The following SBNO1 variants were observed in gnomAD, a reference collection of about 807,000 sequenced individuals.
SBNO1 encodes the protein strawberry notch homolog 1, also known as protein strawberry notch homolog 1.
SBNO1 carries 23 observed loss-of-function variants against 173.6 expected under a neutral mutation model. The ratio of observed to expected loss-of-function variants is 0.13; its 90% CI spans 0.10 to 0.19. SBNO1 has a LOEUF of 0.19. Among genes scored for constraint, SBNO1 ranks in the 10% least tolerant of loss-of-function variants. The pLI is 1.00. For synonymous variants in SBNO1, 632 were observed against 571.5 expected (o/e 1.11, Z -1.51); for missense variants, 1,238 against 1,671.2 (o/e 0.74, Z 4.52).
At chr12:123,316,883 A>G (rs964117147) in intron 21 of SBNO1, among the ~76,000 whole-genome samples, 2 of 151,692 alleles carry the variant, frequency 1.3e-5, no homozygotes, top group Admixed American at 6.6e-5. Context: ...TTGTATTTTT[A>G]GTAGAGGCTG....
chr12:123,334,220 A>T lies in SBNO1; in HGVS notation c.749-7T>A. The T allele has an allele frequency of 6.6e-7, 1 of 1,505,992 alleles. No homozygotes were observed. Among genetic ancestry groups the T allele is most frequent in the Non-Finnish European group, 9.0e-7 (1 of 1,115,156 alleles). 93.3% of individuals were successfully genotyped at this position (1,505,992 alleles called of 1,614,324 possible). ...TGACGTAGGCCAATTTTTACTAAAC[A>T]AAAATGTAAAAACATTTTATTTTAA... On this transcript the variant is annotated splice_polypyrimidine_tract_variant and splice_region_variant and intron_variant, in intron 6 of 31. Transcript: ENST00000602398.
At position 123,317,160 on chromosome 12, in the gene SBNO1, C is replaced by T. The variant is rs754427738; in HGVS notation, c.2935+61G>A. 5.0e-6 allele frequency: 8 copies of T among 1,589,218 alleles called. No homozygotes were observed. In the Admixed American group the frequency reaches 5.1e-5, roughly 10 times the overall value. ...GCCTAAACCTAGGTTTTGGTATGCG[C>T]AAATTTACCCCAATGATTCCTAGCT... On this transcript the variant is annotated intron_variant, in intron 21 of 31. Coordinates refer to ENST00000602398, the MANE Select transcript of SBNO1 (RefSeq NM_001167856.3).
intron 17 of SBNO1, among the ~76,000 whole-genome samples, 188 bp from the exon 18 acceptor site, chr12:123,321,054 C>G (rs1566034252): frequency 2.0e-5 from 3 of 152,192 alleles, no homozygotes; most frequent in African/African-American, 4.8e-5. Flanking sequence ...ATTCTCCTGC[C>G]TCAGCCTCCT....
intron 30 of SBNO1, among the ~76,000 whole-genome samples, chr12:123,300,365 GA>G (rs746528495): frequency 6.6e-6 from 1 of 152,212 alleles, no homozygotes; most frequent in Non-Finnish European, 1.5e-5. Flanking sequence ...AAATGTTTTA[GA>G]AAATGTTTAG....
rs2048573379 is a variant in SBNO1, at chr12:123,295,026, T to TAC, written c.*880_*881dup. 1 of 152,250 alleles carries TAC rather than the reference T, an allele frequency of 6.6e-6. No homozygotes were observed. Among genetic ancestry groups the TAC allele is most frequent in the Admixed American group, 6.5e-5 (1 of 15,274 alleles). The allele number at this position is 152,250 out of a possible 1,614,324, so 9.4% of individuals were successfully genotyped here. ...TGTTTGCAAGATGAAAGCCAATTTGTACTTCCTTCTAAAACTACCTTTAAG... is the reference window on the plus strand; with the variant it reads ...TGTTTGCAAGATGAAAGCCAATTTGTACACTTCCTTCTAAAACTACCTTTAAG... On this transcript the variant is annotated 3_prime_UTR_variant, in exon 32 of 32. Coordinates refer to ENST00000602398, the MANE Select transcript of SBNO1 (RefSeq NM_001167856.3).
rs945808793 is a variant in SBNO1, at chr12:123,328,913, A to T, written c.1135-18T>A. 2 of 1,427,970 alleles carry T rather than the reference A, an allele frequency of 1.4e-6. No individual in the cohort carries two copies. Among genetic ancestry groups the T allele is most frequent in the Non-Finnish European group, 1.9e-6 (2 of 1,035,686 alleles). 88.5% of individuals were successfully genotyped at this position (1,427,970 alleles called of 1,614,324 possible). ...TATTTAAACTAAAAAAGAAAAGAAAAGAATTTAGTTAATTAGTATACCTTT... is the reference window on the plus strand; with the variant it reads ...TATTTAAACTAAAAAAGAAAAGAAATGAATTTAGTTAATTAGTATACCTTT... On this transcript the variant is annotated intron_variant, in intron 9 of 31. Transcript: ENST00000602398.
intron 3 of SBNO1, among the ~76,000 whole-genome samples, chr12:123,346,478 C>G (rs911939368): frequency 6.6e-6 from 1 of 151,698 alleles, no homozygotes; most frequent in Admixed American, 6.6e-5. Context: ...TCCTGGCTAA[C>G]ACGGTGAAAC....
At chr12:123,322,593 G>A (rs993695730) in intron 16 of SBNO1, among the ~76,000 whole-genome samples, 1 of 151,350 alleles carries the variant, frequency 6.6e-6, no homozygotes, top group South Asian at 2.1e-4. Flanking sequence ...CACTGTGCCC[G>A]GCGAGAAGTC....
intron 24 of SBNO1, 82 bp downstream of exon 24, chr12:123,313,536 AAT>A (rs1388218775): frequency 7.1e-6 from 5 of 702,060 alleles, no homozygotes; most frequent in Non-Finnish European, 1.2e-5. Flanking sequence ...GAAAAAAACT[AAT>A]ATAACAGCAA....
At chr12:123,328,569 G>T (rs1224703087) in intron 10 of SBNO1, among the ~76,000 whole-genome samples, 165 bp downstream of exon 10, 1 of 152,074 alleles carries the variant, frequency 6.6e-6, no homozygotes, top group Non-Finnish European at 1.5e-5. Flanking sequence ...CTATCTGACA[G>T]GTAAAAAACC....
chr12:123,316,520 A>C (rs1869291537), intron 21 of SBNO1, among the ~76,000 whole-genome samples: 1 of 151,588 alleles, frequency 6.6e-6, no homozygotes, highest in East Asian at 2.0e-4. Flanking sequence ...CGCTGCGCCC[A>C]GCCTGTTTTT....
chr12:123,350,106 T>C (rs1873704678), intron 2 of SBNO1, among the ~76,000 whole-genome samples: 1 of 151,560 alleles, frequency 6.6e-6, no homozygotes, highest in Admixed American at 6.6e-5. Context: ...GACAAAAAAT[T>C]AGCGGGATGT....
At position 123,320,590 on chromosome 12, in the gene SBNO1, T is replaced by C. The variant is rs770756963; in HGVS notation, c.2509A>G (p.Ser837Gly). ...TGACTTGTTATAAGGCTACTGTTAC[T>C]GTTGGTGTTACTGTTAGCTAGATAA... ...NSTPANSNTNSNSSLITSQDA... is the reference protein window; with the variant it reads ...NSTPANSNTNGNSSLITSQDA... Residue 837 changes from serine to glycine, a missense_variant, in exon 19 of 32, where the codon AGT (serine) becomes GGT (glycine). Physicochemically the swap from Ser to Gly is moderately conservative, Grantham distance 56. Transcript: ENST00000602398. 1.2e-6 allele frequency: 2 copies of C among 1,613,218 alleles called. No homozygotes were observed. The highest frequency in any genetic ancestry group is 1.7e-6 in the Non-Finnish European group (2 of 1,179,668).
chr12:123,302,335 C>T (rs1028865094), intron 30 of SBNO1, among the ~76,000 whole-genome samples: 2 of 151,654 alleles, frequency 1.3e-5, no homozygotes, highest in African/African-American at 2.4e-5. Flanking sequence ...TTCCACCTTC[C>T]GGGTTCAAGC....
In SBNO1 at chr12:123,327,881, T is replaced by C; in HGVS notation, c.1432+11A>G. 6.3e-7 allele frequency: 1 copy of C among 1,599,034 alleles called. No individual in the cohort carries two copies. The highest frequency in any genetic ancestry group is 1.1e-5 in the South Asian group (1 of 88,598). ...CCTACAATATATATTTTTAAATAAA[T>C]AAATACTCACCAGTTGCACTAGCAT... is the stretch of plus-strand genomic sequence containing the variant. On this transcript the variant is annotated intron_variant, in intron 11 of 31. Transcript: ENST00000602398.
chr12:123,311,714 ATCTATC>A (rs1325594643), intron 24 of SBNO1, among the ~76,000 whole-genome samples: 181 of 58,778 alleles, frequency 3.1e-3, no homozygotes, highest in African/African-American at 7.4e-3. Context: ...CTATCTATCT[ATCTATC>A]TATATATATA....
chr12:123,290,412 T>C lies in SBNO1; in HGVS notation c.*5496A>G, dbSNP rs563393814. ...ATCCTTGAAAGTTATAAAGGAACAT[T>C]TTCTTACAGGTGCAAAATTGTGAAC... On this transcript the variant is annotated 3_prime_UTR_variant, in exon 32 of 32. Coordinates refer to ENST00000602398, the MANE Select transcript of SBNO1 (RefSeq NM_001167856.3). 2 of 152,308 alleles carry C rather than the reference T, an allele frequency of 1.3e-5. No individual in the cohort carries two copies. Among genetic ancestry groups the C allele is most frequent in the Admixed American group, 1.3e-4 (2 of 15,296 alleles). 9.4% of individuals were successfully genotyped at this position (152,308 alleles called of 1,614,324 possible).
intron 1 of SBNO1, among the ~76,000 whole-genome samples, chr12:123,357,733 G>C (rs1232878841): frequency 1.3e-5 from 2 of 152,274 alleles, no homozygotes; most frequent in Middle Eastern, 3.4e-3. Context: ...CCAACCTGGC[G>C]AAAGAGGAGA....
At chr12:123,310,431 A>C (rs2049023690) in intron 25 of SBNO1, among the ~76,000 whole-genome samples, 1 of 151,992 alleles carries the variant, frequency 6.6e-6, no homozygotes, top group South Asian at 2.1e-4. Flanking sequence ...ACAGGGTTCC[A>C]CCATCTTGGC....
Sources: gnomAD v4.1 joint callset for allele counts (sites outside exome capture counted in the v4.1 genomes callset) on GRCh38, gnomAD v4.1.1 for gene constraint, MANE v1.5 for transcripts, NCBI Gene and HGNC (gene_info 2026-07-23, HGNC 2026-07-21) for gene names.